LRTM3: variants seen among roughly 807,000 people sequenced by gnomAD.
The protein encoded by LRTM3 is leucine-rich repeat transmembrane protein 3.
chr13:102,731,346 T>C, the LRTM3 span: 2 of 1,551,420 alleles, frequency 1.3e-6, no homozygotes, highest in Non-Finnish European at 1.7e-6. Flanking sequence ...TCTTTTGAAA[T>C]AGTCCCTTTT....
chr13:102,748,676 T>C, the LRTM3 span: 2 of 1,550,390 alleles, frequency 1.3e-6, no homozygotes, highest in Non-Finnish European at 1.7e-6. Flanking sequence ...TTTTTTACTA[T>C]TTAGAACATG....
chr13:102,751,424 A>G, the LRTM3 span, among the ~76,000 whole-genome samples: 60 of 151,658 alleles, frequency 4.0e-4, no homozygotes, highest in Admixed American at 3.2e-3. Flanking sequence ...GAGAACCCTA[A>G]CAATACACCT....
the LRTM3 span, among the ~76,000 whole-genome samples, chr13:102,756,696 CAA>C: frequency 3.8e-5 from 4 of 106,554 alleles, no homozygotes; most frequent in Non-Finnish European, 5.5e-5. Flanking sequence ...AAAAAAAAAA[CAA>C]AAAAACAAAA....
chr13:102,734,833 T>C, the LRTM3 span: 1 of 1,551,142 alleles, frequency 6.4e-7, no homozygotes, highest in Non-Finnish European at 8.7e-7. Context: ...GCACCTTCTC[T>C]TCCTGATGTT....
the LRTM3 span, chr13:102,741,321 G>C: frequency 6.5e-7 from 1 of 1,549,626 alleles, no homozygotes; most frequent in East Asian, 2.4e-5. Context: ...AAGTGAAGAG[G>C]GTCCTTACTG....
chr13:102,735,825 T>C, the LRTM3 span: 1 of 1,542,924 alleles, frequency 6.5e-7, no homozygotes, highest in African/African-American at 1.4e-5. Flanking sequence ...TCATTCCTTC[T>C]AGTGTCACAA....
chr13:102,743,907 C>T, the LRTM3 span: 55 of 1,550,434 alleles, frequency 3.5e-5, no homozygotes, highest in Non-Finnish European at 4.4e-5. Flanking sequence ...TCTAAAAGAC[C>T]CAAGAAAATT....
chr13:102,743,696 CT>C, the LRTM3 span: 1 of 1,549,580 alleles, frequency 6.5e-7, no homozygotes, highest in Non-Finnish European at 8.7e-7. Flanking sequence ...TTGGCACTTT[CT>C]GTTGGATACA....
At chr13:102,743,548 T>C in the LRTM3 span, 1 of 1,548,870 alleles carries the variant, frequency 6.5e-7, no homozygotes, top group Non-Finnish European at 8.7e-7. Context: ...TAATTTTCCT[T>C]TCTGATAACT....
At chr13:102,748,064 G>C in the LRTM3 span, 3 of 1,550,986 alleles carry the variant, frequency 1.9e-6, no homozygotes, top group Non-Finnish European at 2.6e-6. Flanking sequence ...CTCTTGCTTT[G>C]ATGCTGAATG....
At chr13:102,732,546 T>C in the LRTM3 span, 1 of 1,551,278 alleles carries the variant, frequency 6.4e-7, no homozygotes. Flanking sequence ...TGTAGTTGAA[T>C]GCTTTGTTTT....
chr13:102,754,058 T>A, the LRTM3 span, among the ~76,000 whole-genome samples: 1 of 151,870 alleles, frequency 6.6e-6, no homozygotes, highest in Non-Finnish European at 1.5e-5. Flanking sequence ...ATACAAAAAG[T>A]AGCTGGGCAT....
chr13:102,733,750 C>T, the LRTM3 span: 1 of 1,551,366 alleles, frequency 6.4e-7, no homozygotes, highest in Non-Finnish European at 8.7e-7. Flanking sequence ...CTAACTGATT[C>T]AAATCTTCTT....
the LRTM3 span, chr13:102,746,694 T>A: frequency 6.4e-7 from 1 of 1,551,136 alleles, no homozygotes; most frequent in Non-Finnish European, 8.7e-7. Context: ...TAATTGAAAG[T>A]CTCTGGCGAA....
At chr13:102,735,925 C>T in the LRTM3 span, 1 of 1,541,582 alleles carries the variant, frequency 6.5e-7, no homozygotes, top group Non-Finnish European at 8.8e-7. Flanking sequence ...CTTCCCCTTG[C>T]TCTTCAATGT....
chr13:102,741,536 T>C, the LRTM3 span: 1 of 1,550,046 alleles, frequency 6.5e-7, no homozygotes, highest in South Asian at 1.2e-5. Context: ...CACATCTTCT[T>C]CCTCAGTTAC....
the LRTM3 span, among the ~76,000 whole-genome samples, chr13:102,753,023 C>A: frequency 1.3e-5 from 2 of 152,030 alleles, no homozygotes; most frequent in Non-Finnish European, 2.9e-5. Context: ...GATGCACATG[C>A]GTGTTTATTG....
At chr13:102,742,138 A>G in the LRTM3 span, 3 of 1,550,374 alleles carry the variant, frequency 1.9e-6, no homozygotes, top group Non-Finnish European at 1.7e-6. Flanking sequence ...ATCCAGAGTC[A>G]TAAACAGCCT....
chr13:102,748,013 A>G, the LRTM3 span: 3 of 1,550,930 alleles, frequency 1.9e-6, no homozygotes, highest in Admixed American at 3.9e-5. Context: ...GCTCTTATCA[A>G]TGTATTCTGC....
Sources: gnomAD v4.1 joint callset for allele counts (sites outside exome capture counted in the v4.1 genomes callset) on GRCh38, gnomAD v4.1.1 for gene constraint, MANE v1.5 for transcripts, NCBI Gene and HGNC (gene_info 2026-07-23, HGNC 2026-07-21) for gene names.